WASF2: variants seen among roughly 807,000 people sequenced by gnomAD.
The protein encoded by WASF2 is WASP family member 2.
In WASF2, 14 loss-of-function variants were observed where a neutral mutation model predicts 45.0. That is an observed-to-expected ratio of 0.31 (90% CI 0.21 to 0.49). The LOEUF is 0.49. Among genes scored for constraint, WASF2 ranks in the 20% least tolerant of loss-of-function variants. The probability of loss-of-function intolerance (pLI) is 0.99; values close to 1 mark genes in which losing one functional copy is unlikely to be tolerated. For synonymous variants in WASF2, 200 were observed against 236.3 expected (o/e 0.85, Z 1.41); for missense variants, 439 against 636.1 (o/e 0.69, Z 3.33).
chr1:27,480,315 G>A (rs1419543209), intron 1 of WASF2, among the ~76,000 whole-genome samples: 10 of 151,548 alleles, frequency 6.6e-5, no homozygotes, highest in Admixed American at 3.3e-4. Flanking sequence ...TCAGGAGTTC[G>A]AGAACAGCCT....
chr1:27,477,686 T>C (rs1198538153), intron 1 of WASF2, among the ~76,000 whole-genome samples: 1 of 102,168 alleles, frequency 9.8e-6, no homozygotes, highest in African/African-American at 5.7e-5. Flanking sequence ...GATCACGAGG[T>C]CAGGAGATCG....
At chr1:27,487,659 T>TATATATTATATATATTTTATATA in intron 1 of WASF2, among the ~76,000 whole-genome samples, 2 of 99,706 alleles carry the variant, frequency 2.0e-5, no homozygotes, top group African/African-American at 8.7e-5. Context: ...TATTATATAA[T>TATATATTATATATATTTTATATA]ATATATTATA....
At chr1:27,458,335 G>A (rs1243908909) in intron 1 of WASF2, among the ~76,000 whole-genome samples, 1 of 125,906 alleles carries the variant, frequency 7.9e-6, no homozygotes, top group Non-Finnish European at 1.7e-5. Context: ...AAAAAAAAAA[G>A]GCCTTGTTGA....
intron 1 of WASF2, among the ~76,000 whole-genome samples, chr1:27,461,402 C>T (rs1295604183): frequency 5.3e-5 from 8 of 151,222 alleles, no homozygotes; most frequent in Admixed American, 4.6e-4. Context: ...TGCAGTGGCG[C>T]TACCATGACT....
intron 2 of WASF2, among the ~76,000 whole-genome samples, chr1:27,421,590 C>G (rs1440047468): frequency 6.6e-6 from 1 of 151,914 alleles, no homozygotes; most frequent in African/African-American, 2.4e-5. Flanking sequence ...CCAAGGGAGG[C>G]AGATCACCTA....
intron 1 of WASF2, among the ~76,000 whole-genome samples, chr1:27,438,827 GAATT>G (rs1341064614): frequency 6.6e-6 from 1 of 152,166 alleles, no homozygotes; most frequent in Non-Finnish European, 1.5e-5. Flanking sequence ...GCTGTAACAA[GAATT>G]CATTCCTGAA....
chr1:27,446,996 T>G (rs1557609312), intron 1 of WASF2, among the ~76,000 whole-genome samples: 1 of 152,228 alleles, frequency 6.6e-6, no homozygotes, highest in South Asian at 2.1e-4. Context: ...TGGTGACCAA[T>G]GGTAAATAAA....
At position 27,418,302 on chromosome 1, in the gene WASF2, G is replaced by A. The variant is rs1456411312; in HGVS notation, c.386C>T (p.Thr129Ile). The A allele has an allele frequency of 1.2e-6, 2 of 1,614,076 alleles. No individual in the cohort carries two copies. Among genetic ancestry groups the A allele is most frequent in the African/African-American group, 1.3e-5 (1 of 74,926 alleles). The change falls in exon 4 of 9, where the codon ACT becomes ATT. Residue 129 changes from threonine (T) to isoleucine (I), a missense_variant. Thr to Ile is a moderately conservative substitution (Grantham distance 89). Coordinates refer to ENST00000618852, the MANE Select transcript of WASF2 (RefSeq NM_006990.5). ...PVLETYNTCD[T>I]PPPLNNLTPY... Reference sequence around the variant, plus strand: ...GGTAAGATTGTTGAGAGGGGGAGGAGTATCACAGGTATTGTATGTTTCTAA... The same window carrying A: ...GGTAAGATTGTTGAGAGGGGGAGGAATATCACAGGTATTGTATGTTTCTAA...
chr1:27,412,606 CGGAGAA>C lies in WASF2; in HGVS notation c.784_789del (p.Phe262_Ser263del), dbSNP rs1553147939. The C allele has an allele frequency of 6.2e-7, 1 of 1,614,002 alleles. No individual in the cohort carries two copies. Among genetic ancestry groups the C allele is most frequent in the Non-Finnish European group, 8.5e-7 (1 of 1,180,034 alleles). ...GCTGGTGGAGGAGGCAAGTTGTCCT[CGGAGAA>C]GGAAGGAGAAGGTGAAGAAGCAGAG... On this transcript the variant is annotated inframe_deletion, in exon 7 of 9. Coordinates refer to ENST00000618852, the MANE Select transcript of WASF2 (RefSeq NM_006990.5).
chr1:27,473,268 C>T (rs1462610879), intron 1 of WASF2, among the ~76,000 whole-genome samples: 1 of 151,492 alleles, frequency 6.6e-6, no homozygotes, highest in African/African-American at 2.4e-5. Flanking sequence ...ATCACGAGGT[C>T]AGGAGATGAA....
At chr1:27,455,376 A>G (rs1348801722) in intron 1 of WASF2, among the ~76,000 whole-genome samples, 1 of 152,136 alleles carries the variant, frequency 6.6e-6, no homozygotes, top group African/African-American at 2.4e-5. Context: ...GCACTAAGGT[A>G]AAACTGTATG....
intron 2 of WASF2, among the ~76,000 whole-genome samples, 180 bp from the exon 3 acceptor site, chr1:27,419,268 T>C (rs1168093375): frequency 6.6e-6 from 1 of 152,236 alleles, no homozygotes; most frequent in Non-Finnish European, 1.5e-5. Flanking sequence ...ATACTCTTCA[T>C]AGTTTAGGAA....
At chr1:27,432,725 A>C (rs1233927567) in intron 1 of WASF2, among the ~76,000 whole-genome samples, 1 of 151,410 alleles carries the variant, frequency 6.6e-6, no homozygotes, top group Non-Finnish European at 1.5e-5. Flanking sequence ...TGTAGAATAA[A>C]TCCTATTCAC....
chr1:27,409,384 C>A (rs1475501946), intron 8 of WASF2, among the ~76,000 whole-genome samples: 6 of 133,980 alleles, frequency 4.5e-5, no homozygotes, highest in Non-Finnish European at 3.1e-5. Flanking sequence ...GAGATCGAGC[C>A]ACTGCACTCC....
At position 27,410,058 on chromosome 1, in the gene WASF2, G is replaced by A. The variant is rs772018588; in HGVS notation, c.973C>T (p.Pro325Ser). The stretch of plus-strand genomic sequence containing the variant: ...GGGATGCCTATCATTGGAGGCGGAG[G>A]TGGCGGAGGGGCAGGTGGTGGAGCA... ...GFAPPPAPPP[P>S]PPPMIGIPPP... The change falls in exon 8 of 9, where the codon CCT becomes TCT. Residue 325 changes from proline (P) to serine (S), a missense_variant. Physicochemically the swap from Pro to Ser is moderately conservative, Grantham distance 74. Around this residue, in one of 5 missense-constraint regions of WASF2, gnomAD observed 286 missense variants for 373.5 expected, o/e 0.77. Transcript: ENST00000618852. This position sits in a 1 kb window ranked among gnomAD's most constrained non-coding sequence, Gnocchi z 4.2. 6.2e-7 allele frequency: 1 copy of A among 1,613,358 alleles called. No homozygotes were observed. Among genetic ancestry groups the A allele is most frequent in the East Asian group, 2.2e-5 (1 of 44,862 alleles).
In WASF2 at chr1:27,418,983, A is replaced by G; in HGVS notation, c.236T>C (p.Val79Ala). The change falls in exon 3 of 9, where the codon GTC becomes GCC. Residue 79 changes from valine to alanine, a missense_variant. By Grantham distance (64) the Val-to-Ala change is moderately conservative. Transcript: ENST00000618852. ...AERVDRLQVK[V>A]TQLDPKEEEV... is the part of the protein sequence containing the mutation. ...TTCTTCCTTGGGATCCAGCTGAGTG[A>G]CTTTAACCTGTAGTCGGTCGACCCT... 1 of 1,613,932 alleles carries G rather than the reference A, an allele frequency of 6.2e-7. No homozygotes were observed. Among genetic ancestry groups the G allele is most frequent in the Non-Finnish European group, 8.5e-7 (1 of 1,179,968 alleles).
intron 1 of WASF2, among the ~76,000 whole-genome samples, chr1:27,467,863 G>C (rs1192130297): frequency 6.6e-6 from 1 of 151,920 alleles, no homozygotes; most frequent in Non-Finnish European, 1.5e-5. Context: ...AGTACATCGA[G>C]ATCACGCCAC....
intron 1 of WASF2, among the ~76,000 whole-genome samples, chr1:27,466,732 T>C (rs115668188): frequency 0.073 from 11,148 of 151,928 alleles, 452 homozygotes; most frequent in Middle Eastern, 0.11. Flanking sequence ...CTGGGTGTGG[T>C]GGTGCATGCC....
chr1:27,463,801 A>ATTTT (rs71493572), intron 1 of WASF2, among the ~76,000 whole-genome samples: 1 of 118,558 alleles, frequency 8.4e-6, no homozygotes, highest in African/African-American at 3.1e-5. Context: ...TATTATTATT[A>ATTTT]TTATTTTTTT....
Sources: allele counts gnomAD v4.1 joint callset (sites outside exome capture counted in the v4.1 genomes callset), GRCh38; gene constraint gnomAD v4.1.1; regional missense constraint gnomAD v4.1.1; non-coding constraint Gnocchi (gnomAD v3.1); transcripts MANE v1.5; gene names NCBI Gene and HGNC (gene_info 2026-07-23, HGNC 2026-07-21).